Variants in PIBF1 observed in about 807,000 individuals in gnomAD.
The protein encoded by PIBF1 is progesterone-induced-blocking factor 1.
PIBF1 carries 90 observed loss-of-function variants against 112.5 expected under a neutral mutation model. The ratio of observed to expected loss-of-function variants is 0.80; its 90% CI spans 0.67 to 0.95. PIBF1 has a LOEUF of 0.95. PIBF1 is among the 40% of genes least tolerant of loss of function. The probability of loss-of-function intolerance (pLI) is 0.00; values close to 1 mark genes in which losing one functional copy is unlikely to be tolerated. For synonymous variants in PIBF1, 301 were observed against 288.6 expected (o/e 1.04, Z -0.44); for missense variants, 915 against 852.3 (o/e 1.07, Z -0.92).
At chr13:72,957,034 G>A (rs139808990) in intron 14 of PIBF1, among the ~76,000 whole-genome samples, 1 of 152,256 alleles carries the variant, frequency 6.6e-6, no homozygotes, top group East Asian at 1.9e-4. Context: ...GCATGGATGT[G>A]GTGAAAAGGG....
intron 9 of PIBF1, among the ~76,000 whole-genome samples, chr13:72,842,728 T>G (rs2037669057): frequency 6.6e-6 from 1 of 152,236 alleles, no homozygotes; most frequent in Non-Finnish European, 1.5e-5. Flanking sequence ...TCTTACCAGG[T>G]ATCTGTATAA....
At chr13:72,822,614 A>C (rs2036606703) in intron 6 of PIBF1, among the ~76,000 whole-genome samples, 1 of 152,198 alleles carries the variant, frequency 6.6e-6, no homozygotes. Flanking sequence ...TATGTACTGC[A>C]TATGTAATAT....
intron 16 of PIBF1, among the ~76,000 whole-genome samples, chr13:72,986,934 A>G (rs975510030): frequency 6.7e-6 from 1 of 149,654 alleles, no homozygotes; most frequent in Non-Finnish European, 1.5e-5. Context: ...CTCCTGATCC[A>G]CCTGCCTCGG....
At chr13:72,820,636 C>G (rs1007035103) in intron 5 of PIBF1, among the ~76,000 whole-genome samples, 21 of 152,158 alleles carry the variant, frequency 1.4e-4, no homozygotes, top group African/African-American at 4.1e-4. Context: ...TCGTCTTACT[C>G]ATCTTTGTAT....
intron 9 of PIBF1, among the ~76,000 whole-genome samples, chr13:72,838,584 AC>A (rs1255662242): frequency 6.6e-6 from 1 of 152,218 alleles, no homozygotes; most frequent in Non-Finnish European, 1.5e-5. Flanking sequence ...GAAGTGAGAT[AC>A]AGAAACAGCT....
chr13:72,901,899 A>G (rs1389093350), intron 11 of PIBF1, among the ~76,000 whole-genome samples: 3 of 152,126 alleles, frequency 2.0e-5, no homozygotes, highest in South Asian at 2.1e-4. Context: ...TGAAAAAGAT[A>G]CTTGCACACA....
intron 5 of PIBF1, among the ~76,000 whole-genome samples, chr13:72,821,585 A>G (rs1334152873): frequency 6.6e-6 from 1 of 152,190 alleles, no homozygotes; most frequent in Non-Finnish European, 1.5e-5. Flanking sequence ...TTTATGTTTT[A>G]GCCTAGTAAC....
chr13:72,910,329 A>G (rs1168663248), intron 12 of PIBF1, among the ~76,000 whole-genome samples: 2 of 152,128 alleles, frequency 1.3e-5, no homozygotes, highest in Non-Finnish European at 2.9e-5. Flanking sequence ...ATTTCTTTAC[A>G]TGACTTCATG....
chr13:72,959,747 G>C (rs1314711978), intron 14 of PIBF1, among the ~76,000 whole-genome samples: 1 of 152,056 alleles, frequency 6.6e-6, no homozygotes, highest in Admixed American at 6.6e-5. Flanking sequence ...GTTTTAATCA[G>C]GGGTTACTTT....
intron 17 of PIBF1, among the ~76,000 whole-genome samples, chr13:72,999,933 G>A (rs1270996595): frequency 6.6e-6 from 1 of 152,190 alleles, no homozygotes; most frequent in Non-Finnish European, 1.5e-5. Flanking sequence ...CCCGGGTGTG[G>A]TGGCACACGC....
intron 17 of PIBF1, among the ~76,000 whole-genome samples, chr13:73,010,030 G>T (rs576753978): frequency 1.4e-4 from 22 of 152,110 alleles, no homozygotes; most frequent in African/African-American, 4.8e-4. Context: ...TTGAGGAAAT[G>T]CAAATGTACA....
At chr13:72,805,363 C>G (rs950993788) in intron 5 of PIBF1, among the ~76,000 whole-genome samples, 1 of 152,128 alleles carries the variant, frequency 6.6e-6, no homozygotes, top group African/African-American at 2.4e-5. Context: ...AGGATGGTCT[C>G]GATCTCCTGA....
intron 3 of PIBF1, 128 bp downstream of exon 3, chr13:72,792,675 T>G: frequency 1.8e-6 from 1 of 565,950 alleles, no homozygotes; most frequent in Non-Finnish European, 3.1e-6. Flanking sequence ...GCAATAATTT[T>G]TACACCTAGA....
chr13:72,897,451 A>G (rs889098577), intron 11 of PIBF1, among the ~76,000 whole-genome samples: 3 of 152,232 alleles, frequency 2.0e-5, no homozygotes, highest in African/African-American at 7.2e-5. Flanking sequence ...GATGAATGCA[A>G]TGGTACCTCA....
At chr13:72,805,676 T>C (rs762063271) in intron 5 of PIBF1, among the ~76,000 whole-genome samples, 3 of 152,212 alleles carry the variant, frequency 2.0e-5, no homozygotes, top group Admixed American at 1.3e-4. Flanking sequence ...CCCAAGAATT[T>C]TAAGGGACTT....
At chr13:72,785,267 C>T (rs557636699) in intron 2 of PIBF1, among the ~76,000 whole-genome samples, 2 of 152,216 alleles carry the variant, frequency 1.3e-5, no homozygotes, top group East Asian at 1.9e-4. Flanking sequence ...ATTTTCTGTG[C>T]CTTTTATGGC....
chr13:72,928,196 CATACTA>C (rs1817503832), intron 13 of PIBF1, among the ~76,000 whole-genome samples: 1 of 151,464 alleles, frequency 6.6e-6, no homozygotes, highest in Admixed American at 6.6e-5. Context: ...CATCAACAGT[CATACTA>C]ATACTCACGG....
At chr13:72,833,553 G>C (rs1339112452) in intron 8 of PIBF1, among the ~76,000 whole-genome samples, 1 of 152,192 alleles carries the variant, frequency 6.6e-6, no homozygotes, top group Non-Finnish European at 1.5e-5. Flanking sequence ...TCCCGACCCT[G>C]TTTGCCTGGA....
At chr13:72,826,355 C>T (rs893497700) in intron 6 of PIBF1, among the ~76,000 whole-genome samples, 3 of 152,098 alleles carry the variant, frequency 2.0e-5, no homozygotes, top group Non-Finnish European at 4.4e-5. Context: ...CCTAACAGCC[C>T]TCTCTGTGGA....
Sources: allele counts gnomAD v4.1 joint callset (sites outside exome capture counted in the v4.1 genomes callset), GRCh38; gene constraint gnomAD v4.1.1; transcripts MANE v1.5; gene names NCBI Gene and HGNC (gene_info 2026-07-23, HGNC 2026-07-21).